Variants in MLH3 observed in about 807,000 individuals in gnomAD.
The protein encoded by MLH3 is mutL homolog 3, also known as DNA mismatch repair protein Mlh3.
A neutral mutation model predicts 122.2 loss-of-function variants in MLH3; 82 were observed. That is an observed-to-expected ratio of 0.67 (90% confidence interval 0.56 to 0.81). MLH3 has a LOEUF of 0.81. Among genes scored for constraint, MLH3 ranks in the 30% least tolerant of loss-of-function variants. MLH3 has a pLI of 0.00. For missense variants in MLH3, 1,539 were observed against 1,714.5 expected (o/e 0.90, Z 1.81); for synonymous variants, 524 against 599.5 (o/e 0.87, Z 1.84).
Position 75,049,288 on chromosome 14 carries a change from A to T in MLH3, c.368T>A (p.Leu123Gln). 2.5e-6 allele frequency: 4 copies of T among 1,614,216 alleles called. No homozygotes were observed. The highest frequency in any genetic ancestry group is 3.4e-6 in the Non-Finnish European group (4 of 1,180,032). ...TTTCAGGGCTTTTCCACTCTGAAACAGTTTCACAAAAGTTTTCATTGTCCT... is the reference window on the plus strand; with the variant it reads ...TTTCAGGGCTTTTCCACTCTGAAACTGTTTCACAAAAGTTTTCATTGTCCT... ...KNRTMKTFVKLFQSGKALKAC... is the reference protein window; with the variant it reads ...KNRTMKTFVKQFQSGKALKAC... The change falls in exon 2 of 13, where the codon CTG (leucine) becomes CAG (glutamine). Residue 123 changes from leucine (L) to glutamine (Q), a missense_variant. Transcript: ENST00000355774.
Position 75,048,639 on chromosome 14 carries a change from G to A in MLH3, c.1017C>T (p.Cys339=), listed in dbSNP as rs368126670. Residue 339 remains cysteine (C), a synonymous_variant, in exon 2 of 13, where the codon TGC becomes TGT. Transcript: ENST00000355774. ...EFQNWDTLLF[C]IQEGVKMFLK... is the part of the protein sequence containing the mutation. ...AAAACATTTTCACTCCTTCCTGAAT[G>A]CAAAACAAGAGAGTGTCCCAGTTCT... 33 of 1,613,986 alleles carry A rather than the reference G, an allele frequency of 2.0e-5. No individual in the cohort carries two copies. The highest frequency in any genetic ancestry group is 1.6e-4 in the Middle Eastern group (1 of 6,084).
chr14:75,047,543 G>A lies in MLH3; in HGVS notation c.2113C>T (p.Gln705Ter). The A allele has an allele frequency of 6.2e-7, 1 of 1,614,024 alleles. No homozygotes were observed. Among genetic ancestry groups the A allele is most frequent in the Non-Finnish European group, 8.5e-7 (1 of 1,179,998 alleles). The part of the protein sequence containing the change: ...SAFQEGSKKS[Q>*]TDCILSDTSP... ...GTATCAGATAATATGCAATCTGTTT[G>A]TGATTTTTTGCTACCTTCCTGAAAA... is the stretch of plus-strand genomic sequence containing the variant. Residue 705 changes from glutamine (Q) to a stop codon, truncating the protein, a stop_gained, in exon 2 of 13, where the codon CAA becomes TAA. Transcript: ENST00000355774. LOFTEE classifies it high-confidence loss of function.
Position 75,048,296 on chromosome 14 carries a change from T to C in MLH3, c.1360A>G (p.Thr454Ala). 1.2e-6 allele frequency: 2 copies of C among 1,614,118 alleles called. No individual in the cohort carries two copies. The highest frequency in any genetic ancestry group is 1.7e-6 in the Non-Finnish European group (2 of 1,180,020). Reference sequence around the variant, plus strand: ...TCTTTGTTTTGTAAAGATGGCTCTGTCATTTTGCTATGGCCTGGACCACCT... The same window carrying C: ...TCTTTGTTTTGTAAAGATGGCTCTGCCATTTTGCTATGGCCTGGACCACCT... Reference protein sequence around the residue: ...ESGGPGHSKMTEPSLQNKDSS... With the variant: ...ESGGPGHSKMAEPSLQNKDSS... The change falls in exon 2 of 13, where the codon ACA becomes GCA. Residue 454 changes from threonine (T) to alanine (A), a missense_variant. Transcript: ENST00000355774.
chr14:75,047,109 A>C lies in MLH3; in HGVS notation c.2547T>G (p.Ser849Arg). ...GAGATAACTCCTTCAGGGTCATAGG[A>C]CTTTCTCTCAAACTAGGCATCTGTT... ...LEQQMPSLRE[S>R]PMTLKELSLF... is the part of the protein sequence containing the mutation. Residue 849 changes from serine to arginine, a missense_variant, in exon 2 of 13, where the codon AGT becomes AGG. By Grantham distance (110) the Ser-to-Arg change is moderately radical (BLOSUM62 -1). Coordinates refer to ENST00000355774, the MANE Select transcript of MLH3 (RefSeq NM_001040108.2). 6.2e-7 allele frequency: 1 copy of C among 1,614,152 alleles called. No individual in the cohort carries two copies. Among genetic ancestry groups the C allele is most frequent in the Non-Finnish European group, 8.5e-7 (1 of 1,180,014 alleles).
intron 6 of MLH3, among the ~76,000 whole-genome samples, chr14:75,035,358 C>T (rs562794864): frequency 6.6e-6 from 1 of 152,158 alleles, no homozygotes; most frequent in East Asian, 1.9e-4. Context: ...CCCGTCTCTA[C>T]TAAAAATACA....
chr14:75,030,754 C>T (rs779894060), intron 8 of MLH3, 52 bp from the exon 9 acceptor site: 15 of 1,466,156 alleles, frequency 1.0e-5, no homozygotes, highest in Admixed American at 3.4e-5. Context: ...ACTTCATTTG[C>T]ACTTCACTAC....
rs2139594612 is a variant in MLH3 at position 75,048,739 on chromosome 14, T to C, written c.917A>G (p.Tyr306Cys). 6.2e-7 allele frequency: 1 copy of C among 1,614,162 alleles called. No homozygotes were observed. Among genetic ancestry groups the C allele is most frequent in the Non-Finnish European group, 8.5e-7 (1 of 1,180,014 alleles). The change falls in exon 2 of 13, where the codon TAT becomes TGT. Residue 306 changes from tyrosine (Y) to cysteine (C), a missense_variant. By Grantham distance (194) the Tyr-to-Cys change is radical. Coordinates refer to ENST00000355774, the MANE Select transcript of MLH3 (RefSeq NM_001040108.2). ...GAATTGGCACTGCACATTAATTACA[T>C]ATATGCCATAGAGTTCTGGGGTAGA... is the stretch of plus-strand genomic sequence containing the variant. ...HRSTPELYGI[Y>C]VINVQCQFCE... is the part of the protein sequence containing the mutation.
Position 75,047,910 on chromosome 14 carries a change from CTCTT to C in MLH3, c.1742_1745del (p.Lys581ArgfsTer28). The C allele has an allele frequency of 6.2e-7, 1 of 1,609,342 alleles. No homozygotes were observed. The highest frequency in any genetic ancestry group is 8.5e-7 in the Non-Finnish European group (1 of 1,178,792). On this transcript the variant is annotated frameshift_variant, in exon 2 of 13. Transcript: ENST00000355774. LOFTEE classifies it high-confidence loss of function. ...CACAATTGCTAGATTCTTTTTTTTT[CTCTT>C]TCTCTGTCTGAGCACTATGTACTCC...
chr14:75,039,877 A>T (rs1891708308), intron 5 of MLH3, 34 bp downstream of exon 5: 1 of 441,952 alleles, frequency 2.3e-6, no homozygotes, highest in Non-Finnish European at 4.1e-6. Context: ...ATATATATAT[A>T]TATATTTATG....
At chr14:75,042,552 A>G (rs1891932783) in intron 2 of MLH3, 75 bp from the exon 3 acceptor site, 1 of 1,145,118 alleles carries the variant, frequency 8.7e-7, no homozygotes, top group Non-Finnish European at 1.3e-6. Context: ...TAATCACATA[A>G]AACCTCTTTC....
At chr14:75,043,226 ATACAGCAG>A (rs1356302022) in intron 2 of MLH3, among the ~76,000 whole-genome samples, 2 of 152,272 alleles carry the variant, frequency 1.3e-5, no homozygotes, top group Admixed American at 6.5e-5. Flanking sequence ...TGTGTTAGAC[ATACAGCAG>A]TACTTGTCAG....
chr14:75,048,077 T>G lies in MLH3; in HGVS notation c.1579A>C (p.Ile527Leu). The G allele has an allele frequency of 2.5e-6, 4 of 1,614,150 alleles. No homozygotes were observed. The highest frequency in any genetic ancestry group is 3.4e-6 in the Non-Finnish European group (4 of 1,180,030). The change falls in exon 2 of 13, where the codon ATA becomes CTA. Residue 527 changes from isoleucine (I) to leucine (L), a missense_variant. Ile to Leu is a conservative substitution (Grantham distance 5). Transcript: ENST00000355774. The stretch of plus-strand genomic sequence containing the variant: ...TTAACAGTAGTACTTTCTTTCCATA[T>G]TTCTAGATCCTGCCCACTCTCCTCA... ...HFEESGQDLEIWKESTTVNGM... is the reference protein window; with the variant it reads ...HFEESGQDLELWKESTTVNGM...
chr14:75,048,770 GC>G lies in MLH3; in HGVS notation c.885del (p.His296ThrfsTer12), dbSNP rs1431264077. On this transcript the variant is annotated frameshift_variant, in exon 2 of 13. Transcript: ENST00000355774. LOFTEE classifies it high-confidence loss of function. Reference sequence around the variant, plus strand: ...CCATAGAGTTCTGGGGTAGACCGGTGCCGAAGACTTGAATTCATTTGCCTAC... The same window carrying G: ...CCATAGAGTTCTGGGGTAGACCGGTGCGAAGACTTGAATTCATTTGCCTAC... ...PTSRQMNSSL[R>X]HRSTPELYGI... 3.7e-6 allele frequency: 6 copies of G among 1,614,110 alleles called. No individual in the cohort carries two copies. The highest frequency in any genetic ancestry group is 5.1e-6 in the Non-Finnish European group (6 of 1,180,010).
At chr14:75,027,969 C>T (rs1484751259) in intron 9 of MLH3, among the ~76,000 whole-genome samples, 2 of 148,530 alleles carry the variant, frequency 1.3e-5, no homozygotes. Context: ...AAAGTTAAGG[C>T]TAATCTCTAA....
intron 9 of MLH3, among the ~76,000 whole-genome samples, chr14:75,029,251 T>C (rs1890879459): frequency 1.3e-5 from 2 of 151,710 alleles, no homozygotes; most frequent in South Asian, 4.2e-4. Context: ...ATCATAAAGG[T>C]CTTCACCCTC....
rs1889807324 is a variant in MLH3, at chr14:75,014,707, T to C, written c.*2375A>G. On this transcript the variant is annotated 3_prime_UTR_variant, in exon 13 of 13. Coordinates refer to ENST00000355774, the MANE Select transcript of MLH3 (RefSeq NM_001040108.2). ...AAGAATGGCTGCATTTTACATCTCA[T>C]CTCTCAAGTTTTACTCTGAAGTTAC... The C allele has an allele frequency of 9.9e-6, 2 of 201,820 alleles. No homozygotes were observed. The highest frequency in any genetic ancestry group is 3.8e-4 in the South Asian group (2 of 5,232). The allele number at this position is 201,820 out of a possible 1,614,324, so 12.5% of individuals were successfully genotyped here.
intron 7 of MLH3, 72 bp from the exon 8 acceptor site, chr14:75,032,251 G>A (rs765970085): frequency 1.7e-4 from 148 of 891,746 alleles, no homozygotes; most frequent in Non-Finnish European, 2.4e-4. Flanking sequence ...AATAAAGCAC[G>A]GCCTTGAGAT....
chr14:75,034,299 A>G (rs978125253), intron 6 of MLH3, among the ~76,000 whole-genome samples: 1 of 152,212 alleles, frequency 6.6e-6, no homozygotes, highest in Non-Finnish European at 1.5e-5. Context: ...CTTTAATATG[A>G]TAAAGGATCG....
chr14:75,023,557 G>A (rs1890431147), intron 9 of MLH3, among the ~76,000 whole-genome samples: 1 of 152,096 alleles, frequency 6.6e-6, no homozygotes, highest in African/African-American at 2.4e-5. Context: ...ATTTTCTGAG[G>A]CCCTTTGTTG....
Sources: gnomAD v4.1 joint callset for allele counts (sites outside exome capture counted in the v4.1 genomes callset) on GRCh38, gnomAD v4.1.1 for gene constraint, MANE v1.5 for transcripts, NCBI Gene and HGNC (gene_info 2026-07-23, HGNC 2026-07-21) for gene names.